The following ZNF366 variants were observed in gnomAD, a reference collection of about 807,000 sequenced individuals.
ZNF366 encodes dendritic cell-specific transcript protein.
In ZNF366, 20 loss-of-function variants were observed where a neutral mutation model predicts 47.2. That is an observed-to-expected ratio of 0.42 (90% CI 0.30 to 0.62). ZNF366 has a LOEUF of 0.62. Among genes scored for constraint, ZNF366 ranks in the 20% least tolerant of loss-of-function variants. ZNF366 has a pLI of 0.16. For missense variants in ZNF366, 987 were observed against 976.3 expected (o/e 1.01, Z -0.15); for synonymous variants, 421 against 395.1 (o/e 1.07, Z -0.78).
chr5:72,485,592 G>A (rs945380187), intron 1 of ZNF366, among the ~76,000 whole-genome samples: 1 of 152,126 alleles, frequency 6.6e-6, no homozygotes, highest in African/African-American at 2.4e-5. Context: ...ACAGCCTCCT[G>A]ACTCTTCTCC....
Position 72,440,884 on chromosome 5 carries a change from C to A in ZNF366, c.*2872G>T, listed in dbSNP as rs1178185733. The A allele has an allele frequency of 6.6e-6, 1 of 152,078 alleles. No individual in the cohort carries two copies. The highest frequency in any genetic ancestry group is 6.5e-5 in the Admixed American group (1 of 15,282). 9.4% of individuals were successfully genotyped at this position (152,078 alleles called of 1,614,324 possible). A position where few individuals can be genotyped will look rare whatever the true frequency, so the allele number is the denominator to read the frequency against. ...TTAAGTGTCTTATGCCCAGAGTCAA[C>A]AACTAAAAACAGGCCCTGGAATACA... On this transcript the variant is annotated 3_prime_UTR_variant, in exon 5 of 5. Coordinates refer to ENST00000318442, the MANE Select transcript of ZNF366 (RefSeq NM_152625.3).
intron 1 of ZNF366, among the ~76,000 whole-genome samples, chr5:72,495,381 G>A (rs184271731): frequency 6.6e-6 from 1 of 152,250 alleles, no homozygotes; most frequent in Non-Finnish European, 1.5e-5. Flanking sequence ...AACCGCACAG[G>A]TGAACTCCCC....
intron 3 of ZNF366, among the ~76,000 whole-genome samples, chr5:72,451,413 A>T (rs1288423352): frequency 6.6e-6 from 1 of 152,230 alleles, no homozygotes; most frequent in African/African-American, 2.4e-5. Flanking sequence ...GAGATGTCAG[A>T]GTAGTGAGAG....
At chr5:72,463,180 C>A (rs1366260076) in intron 1 of ZNF366, among the ~76,000 whole-genome samples, 2 of 152,174 alleles carry the variant, frequency 1.3e-5, no homozygotes, top group Admixed American at 6.5e-5. Flanking sequence ...CTTGGCGAGT[C>A]GGATACAGCT....
Position 72,460,467 on chromosome 5 carries a change from G to C in ZNF366, c.1030C>G (p.Arg344Gly), listed in dbSNP as rs1351594899. 6.2e-7 allele frequency: 1 copy of C among 1,613,954 alleles called. No homozygotes were observed. Among genetic ancestry groups the C allele is most frequent in the Non-Finnish European group, 8.5e-7 (1 of 1,179,954 alleles). Residue 344 changes from arginine (R) to glycine (G), a missense_variant, in exon 2 of 5, where the codon CGC becomes GGC. Transcript: ENST00000318442. ...VKPHNCRVCG[R>G]GFAYPSELKA... ...AGCTCGCTGGGGTAGGCAAAGCCGC[G>C]GCCGCACACGCGGCAGTTGTGCGGC...
chr5:72,456,633 A>G (rs1270861810), intron 2 of ZNF366, 38 bp from the exon 3 acceptor site: 38 of 1,542,572 alleles, frequency 2.5e-5, no homozygotes, highest in Non-Finnish European at 3.1e-5. Context: ...GGTGATTGAC[A>G]GGTAACATGC....
rs1744339798 is a variant in ZNF366, at chr5:72,507,358, C to A, written c.-122G>T. 2 of 985,320 alleles carry A rather than the reference C, an allele frequency of 2.0e-6. No homozygotes were observed. Among genetic ancestry groups the A allele is most frequent in the Non-Finnish European group, 2.4e-6 (2 of 829,962 alleles). 61.0% of individuals were successfully genotyped at this position (985,320 alleles called of 1,614,324 possible). On this transcript the variant is annotated 5_prime_UTR_variant, in exon 1 of 5. Transcript: ENST00000318442. ...CCCTCTTTCTCTTGTGTACAGATTG[C>A]AGGGAACTTAAAGAACTCGCAGGGA... is the stretch of plus-strand genomic sequence containing the variant.
chr5:72,476,993 T>C (rs1266625637), intron 1 of ZNF366, among the ~76,000 whole-genome samples: 2 of 152,142 alleles, frequency 1.3e-5, no homozygotes, highest in East Asian at 1.9e-4. Flanking sequence ...GACTTCAGGA[T>C]ACAATTTCTT....
chr5:72,497,288 T>C (rs73106461), intron 1 of ZNF366, among the ~76,000 whole-genome samples: 4,232 of 152,304 alleles, frequency 0.028, 182 homozygotes, highest in African/African-American at 0.097. Context: ...CATTCAGGCC[T>C]ATGATCTACT....
At chr5:72,494,275 A>C (rs1003992137) in intron 1 of ZNF366, 1 of 152,154 alleles carries the variant, frequency 6.6e-6, no homozygotes, top group Non-Finnish European at 1.5e-5. Flanking sequence ...ACTCTGTCTG[A>C]GCTGTAGTTT....
At chr5:72,445,919 C>T (rs1009921762) in intron 4 of ZNF366, among the ~76,000 whole-genome samples, 2 of 151,916 alleles carry the variant, frequency 1.3e-5, no homozygotes, top group Admixed American at 1.3e-4. Context: ...TTTTTGTGAC[C>T]ACAGCTCCCT....
Position 72,507,313 on chromosome 5 carries a change from GTC to G in ZNF366, c.-79_-78del. ...CCTTTACCTGATCCCTGCTCTCTCT[GTC>G]TCTCTCCCTCTCTCTCTCCCTCTTT... On this transcript the variant is annotated 5_prime_UTR_variant, in exon 1 of 5. Transcript: ENST00000318442. 1.0e-6 allele frequency: 1 copy of G among 985,454 alleles called. No individual in the cohort carries two copies. Among genetic ancestry groups the G allele is most frequent in the Non-Finnish European group, 1.2e-6 (1 of 830,022 alleles). The allele number at this position is 985,454 out of a possible 1,614,324, so 61.0% of individuals were successfully genotyped here.
intron 3 of ZNF366, among the ~76,000 whole-genome samples, chr5:72,452,560 G>A (rs1433259522): frequency 6.6e-6 from 1 of 152,162 alleles, no homozygotes; most frequent in Admixed American, 6.5e-5. Context: ...CCTTCCTGGA[G>A]CGTCAAAGAA....
intron 1 of ZNF366, among the ~76,000 whole-genome samples, chr5:72,488,792 C>T (rs916452510): frequency 2.6e-5 from 4 of 152,188 alleles, no homozygotes; most frequent in Non-Finnish European, 4.4e-5. Flanking sequence ...GTGAAATGCA[C>T]CCACTATAGG....
At position 72,444,090 on chromosome 5, in the gene ZNF366, C is replaced by A; in HGVS notation, c.1901G>T (p.Gly634Val). 12 of 1,614,098 alleles carry A rather than the reference C, an allele frequency of 7.4e-6. No individual in the cohort carries two copies. The highest frequency in any genetic ancestry group is 1.0e-5 in the Non-Finnish European group (12 of 1,180,020). Residue 634 changes from glycine (G) to valine (V), a missense_variant, in exon 5 of 5, where the codon GGC (glycine) becomes GTC (valine). Transcript: ENST00000318442. The stretch of plus-strand genomic sequence containing the variant: ...GAGCTGCTGGCTCTGGGGGGCCAGG[C>A]CAGGGCTGTAGGGCTCCACCTCGTA... ...NCYEVEPYSP[G>V]LAPQSQQLCT...
chr5:72,485,798 T>C (rs1743880303), intron 1 of ZNF366, among the ~76,000 whole-genome samples: 1 of 152,204 alleles, frequency 6.6e-6, no homozygotes, highest in Admixed American at 6.5e-5. Flanking sequence ...TATGATCTCA[T>C]GCCCTACCAC....
rs145314872 is a variant in ZNF366, at chr5:72,453,932, T to C, written c.1524+2472A>G. On this transcript the variant is annotated intron_variant, in intron 3 of 4. Coordinates refer to ENST00000318442, the MANE Select transcript of ZNF366 (RefSeq NM_152625.3). ...CTTTTTGTCTGATGATAGATGACAC[T>C]CTCTAGGGAGCCTCCTGACCTCTAG... Among the ~76,000 whole-genome samples, 422 of 152,286 alleles carry C rather than the reference T, an allele frequency of 2.8e-3. 3 individuals are homozygous for C. The highest frequency in any genetic ancestry group is 9.6e-3 in the African/African-American group (399 of 41,562).
At chr5:72,454,089 T>G (rs928088335) in intron 3 of ZNF366, among the ~76,000 whole-genome samples, 9 of 152,222 alleles carry the variant, frequency 5.9e-5, no homozygotes, top group Admixed American at 2.6e-4. Context: ...GGCATTCTAC[T>G]TTATAAACCA....
At chr5:72,473,022 C>G (rs1215165881) in intron 1 of ZNF366, among the ~76,000 whole-genome samples, 1 of 152,182 alleles carries the variant, frequency 6.6e-6, no homozygotes, top group African/African-American at 2.4e-5. Context: ...ACTGGGATCT[C>G]CTTGAAGCCA....
Sources: gnomAD v4.1 joint callset for allele counts (sites outside exome capture counted in the v4.1 genomes callset) on GRCh38, gnomAD v4.1.1 for gene constraint, MANE v1.5 for transcripts, NCBI Gene and HGNC (gene_info 2026-07-23, HGNC 2026-07-21) for gene names.